The following WDPCP variants were observed in gnomAD, a reference collection of about 807,000 sequenced individuals.
The protein encoded by WDPCP is WD repeat containing planar cell polarity effector, also known as WD repeat-containing and planar cell polarity effector protein fritz homolog.
A neutral mutation model predicts 93.1 loss-of-function variants in WDPCP; 71 were observed. That is an observed-to-expected ratio of 0.76 (90% CI 0.63 to 0.93). The LOEUF (loss-of-function observed/expected upper bound fraction) is 0.93, where lower values mean the gene tolerates loss of function less well. Ranked by LOEUF, WDPCP falls within the 40% of genes least tolerant of loss-of-function variation. The pLI is 0.00. For missense variants in WDPCP, 844 were observed against 887.4 expected (o/e 0.95, Z 0.62); for synonymous variants, 315 against 315.0 (o/e 1.00, Z 0.00).
intron 1 of WDPCP, among the ~76,000 whole-genome samples, chr2:63,559,019 T>C (rs909798411): frequency 6.6e-6 from 1 of 152,138 alleles, no homozygotes; most frequent in Admixed American, 6.5e-5. Flanking sequence ...TGAACATCAA[T>C]GCAAAAATCC....
rs371333318 is a variant in WDPCP, at chr2:63,597,168, GAC to G, written n.488+53489_488+53490del. 60 of 530,084 alleles carry G rather than the reference GAC, an allele frequency of 1.1e-4. No homozygotes were observed. The East Asian group carries it at 6.1e-3, about 54-fold the overall frequency. The allele number at this position is 530,084 out of a possible 1,614,324, so 32.8% of individuals were successfully genotyped here. A position where few individuals can be genotyped will look rare whatever the true frequency, so the allele number is the denominator to read the frequency against. ...TAAAAGATAAAAGCTATGGAGTTTTGACATTTAAGTAATTATTGAAACAGGAA... is the reference window on the plus strand; with the variant it reads ...TAAAAGATAAAAGCTATGGAGTTTTGATTTAAGTAATTATTGAAACAGGAA... On this transcript the variant is annotated intron_variant and non_coding_transcript_variant, in intron 3 of 4. Coordinates refer to the WDPCP transcript ENST00000467687.
intron 12 of WDPCP, among the ~76,000 whole-genome samples, chr2:63,362,806 C>G (rs769567328): frequency 6.6e-6 from 1 of 151,970 alleles, no homozygotes; most frequent in Non-Finnish European, 1.5e-5. Flanking sequence ...CTGGAACTAC[C>G]ATACCCTGCT....
intron 2 of WDPCP, among the ~76,000 whole-genome samples, chr2:63,652,901 TAGA>T (rs1416246433): frequency 6.6e-6 from 1 of 152,132 alleles, no homozygotes; most frequent in Non-Finnish European, 1.5e-5. Context: ...GGGTAACTAC[TAGA>T]AGTCTGCACT....
At position 63,711,206 on chromosome 2, in the gene WDPCP, C is replaced by T. The variant is rs146284015; in HGVS notation, n.309-60368G>A. On this transcript the variant is annotated intron_variant and non_coding_transcript_variant, in intron 2 of 4. Coordinates refer to the WDPCP transcript ENST00000467687. ...GGGCTTCAGTGGGTAGATATGAGAA[C>T]ATGACAGCAGAGCTCTCCTGAAGGT... Among the ~76,000 whole-genome samples the T allele has an allele frequency of 6.2e-4, 94 of 152,098 alleles. 2 individuals carry two copies. In the East Asian group the frequency reaches 0.017, roughly 28 times the overall value.
At chr2:63,203,583 A>G (rs1676091976) in intron 14 of WDPCP, among the ~76,000 whole-genome samples, 1 of 152,092 alleles carries the variant, frequency 6.6e-6, no homozygotes, top group African/African-American at 2.4e-5. Context: ...GTGCTAGCAA[A>G]TACTAGGTCT....
chr2:63,716,314 T>A (rs1669336114), intron 2 of WDPCP, among the ~76,000 whole-genome samples: 1 of 152,240 alleles, frequency 6.6e-6, no homozygotes, highest in Non-Finnish European at 1.5e-5. Flanking sequence ...ACTTTCTTAT[T>A]GTCCTAACCT....
intron 14 of WDPCP, among the ~76,000 whole-genome samples, chr2:63,189,394 T>G (rs1273698770): frequency 2.0e-5 from 3 of 152,246 alleles, no homozygotes; most frequent in Non-Finnish European, 2.9e-5. Context: ...CTCTTGTTTT[T>G]GCACTTGCCT....
At chr2:63,582,521 T>C (rs1398789482) in intron 1 of WDPCP, among the ~76,000 whole-genome samples, 4 of 151,880 alleles carry the variant, frequency 2.6e-5, no homozygotes, top group Non-Finnish European at 5.9e-5. Context: ...AAGGTCAAAA[T>C]TTCCCCAAAT....
intron 13 of WDPCP, among the ~76,000 whole-genome samples, chr2:63,305,560 A>T (rs1210193162): frequency 6.6e-6 from 1 of 152,242 alleles, no homozygotes; most frequent in Non-Finnish European, 1.5e-5. Flanking sequence ...GGTCACCAGC[A>T]TCAAAGACCA....
At chr2:63,540,631 T>C (rs1704637063) in intron 1 of WDPCP, among the ~76,000 whole-genome samples, 1 of 152,234 alleles carries the variant, frequency 6.6e-6, no homozygotes, top group Admixed American at 6.5e-5. Context: ...TAACTGCTTA[T>C]GTTAAATATG....
chr2:63,237,468 C>A (rs1160303076), intron 14 of WDPCP, among the ~76,000 whole-genome samples: 1 of 152,122 alleles, frequency 6.6e-6, no homozygotes, highest in African/African-American at 2.4e-5. Flanking sequence ...ATCCAGTAAT[C>A]CCACTACCGT....
chr2:63,596,748 G>A (rs148942338), intron 3 of WDPCP, among the ~76,000 whole-genome samples: 10 of 152,250 alleles, frequency 6.6e-5, no homozygotes, highest in East Asian at 1.9e-4. Context: ...AAAGAAGTGC[G>A]ATGACTTATG....
chr2:63,706,189 GTC>G (rs199804330), intron 2 of WDPCP, among the ~76,000 whole-genome samples: 23,637 of 152,062 alleles, frequency 0.16, 2,355 homozygotes, highest in Middle Eastern at 0.25. Flanking sequence ...GCCTACGTGT[GTC>G]TCTGCACGTG....
At chr2:63,400,508 A>T (rs1372235440) in intron 10 of WDPCP, among the ~76,000 whole-genome samples, 1 of 152,226 alleles carries the variant, frequency 6.6e-6, no homozygotes, top group African/African-American at 2.4e-5. Flanking sequence ...TCCAGCATCT[A>T]TAAGGAACTT....
intron 3 of WDPCP, among the ~76,000 whole-genome samples, chr2:63,641,072 T>C (rs541226419): frequency 2.0e-5 from 3 of 152,328 alleles, no homozygotes; most frequent in Admixed American, 6.5e-5. Flanking sequence ...CATGGGATGG[T>C]TGTCTTTCTG....
At chr2:63,489,449 G>A (rs867124672) in intron 2 of WDPCP, among the ~76,000 whole-genome samples, 1 of 152,092 alleles carries the variant, frequency 6.6e-6, no homozygotes, top group South Asian at 2.1e-4. Context: ...CCTGGGAGCA[G>A]CAATGTTCCA....
intron 13 of WDPCP, among the ~76,000 whole-genome samples, chr2:63,264,914 C>A (rs1681973530): frequency 6.6e-6 from 1 of 152,122 alleles, no homozygotes; most frequent in Non-Finnish European, 1.5e-5. Flanking sequence ...GTAACAGGAA[C>A]AATCTTGGAA....
At chr2:63,791,054 C>T (rs1325795414) in intron 2 of WDPCP, among the ~76,000 whole-genome samples, 1 of 152,140 alleles carries the variant, frequency 6.6e-6, no homozygotes, top group Admixed American at 6.6e-5. Context: ...ACATGAATTC[C>T]TCACCTAGGA....
At chr2:63,793,141 C>T (rs980043591) in intron 2 of WDPCP, among the ~76,000 whole-genome samples, 1 of 151,788 alleles carries the variant, frequency 6.6e-6, no homozygotes, top group Admixed American at 6.6e-5. Context: ...GACAGGGTCT[C>T]ATTAAATTGC....
Sources: gnomAD v4.1 joint callset for allele counts (sites outside exome capture counted in the v4.1 genomes callset) on GRCh38, gnomAD v4.1.1 for gene constraint, MANE v1.5 for transcripts, NCBI Gene and HGNC (gene_info 2026-07-23, HGNC 2026-07-21) for gene names.